SYNPO2: variants seen among roughly 807,000 people sequenced by gnomAD.
SYNPO2 encodes the protein synaptopodin 2, also known as synaptopodin-2.
SYNPO2 carries 56 observed loss-of-function variants against 85.0 expected under a neutral mutation model. That is an observed-to-expected ratio of 0.66 (90% CI 0.53 to 0.82). SYNPO2 has a LOEUF of 0.82. Among genes scored for constraint, SYNPO2 ranks in the 40% least tolerant of loss-of-function variants. SYNPO2 has a pLI of 0.00. For synonymous variants in SYNPO2, 602 were observed against 591.1 expected (o/e 1.02, Z -0.27); for missense variants, 1,575 against 1,534.2 (o/e 1.03, Z -0.44).
At chr4:119,048,734 T>C (rs1261280037) in intron 4 of SYNPO2, among the ~76,000 whole-genome samples, 1 of 152,130 alleles carries the variant, frequency 6.6e-6, no homozygotes, top group Non-Finnish European at 1.5e-5. Context: ...ACCTGGTGTG[T>C]TCAAGGTTCA....
chr4:118,922,066 A>G (rs934658614), intron 1 of SYNPO2, among the ~76,000 whole-genome samples: 2 of 152,088 alleles, frequency 1.3e-5, no homozygotes, highest in Non-Finnish European at 2.9e-5. Flanking sequence ...TCATCTTTAT[A>G]TCCTTAGTGA....
intron 1 of SYNPO2, among the ~76,000 whole-genome samples, chr4:118,974,289 G>T (rs948389280): frequency 1.1e-4 from 17 of 152,252 alleles, no homozygotes; most frequent in African/African-American, 2.9e-4. Context: ...TCCATACCTA[G>T]TTGTAGTGGT....
intron 1 of SYNPO2, among the ~76,000 whole-genome samples, chr4:118,876,881 C>A (rs1731936544): frequency 1.3e-5 from 2 of 151,610 alleles, no homozygotes; most frequent in African/African-American, 4.9e-5. Flanking sequence ...ACGTTGACCT[C>A]CCAGCCTGAA....
At position 119,027,294 on chromosome 4, in the gene SYNPO2, G is replaced by A. The variant is rs1738006265; in HGVS notation, c.925G>A (p.Asp309Asn). ...GCTTCAGGCAGGAAAGGAGTGTGTG[G>A]ATTCTCCAGTGGAAGGAGGGCAGTC... is the stretch of plus-strand genomic sequence containing the variant. ...CRLQAGKECV[D>N]SPVEGGQSEA... The change falls in exon 3 of 5, where the codon GAT becomes AAT. Residue 309 changes from aspartate (D) to asparagine (N), a missense_variant. By Grantham distance (23) the Asp-to-Asn change is conservative. Coordinates refer to ENST00000307142, the MANE Select transcript of SYNPO2 (RefSeq NM_133477.3). The A allele has an allele frequency of 1.9e-6, 3 of 1,614,136 alleles. No homozygotes were observed. The highest frequency in any genetic ancestry group is 1.7e-6 in the Non-Finnish European group (2 of 1,180,038).
chr4:118,977,386 G>T (rs946348606), intron 1 of SYNPO2, among the ~76,000 whole-genome samples: 1 of 152,222 alleles, frequency 6.6e-6, no homozygotes, highest in Non-Finnish European at 1.5e-5. Flanking sequence ...ACTCCAGCTG[G>T]CCCGCAAGCG....
intron 1 of SYNPO2, among the ~76,000 whole-genome samples, chr4:118,915,712 G>C (rs180716821): frequency 1.6e-4 from 25 of 152,142 alleles, no homozygotes; most frequent in African/African-American, 5.8e-4. Flanking sequence ...GGAATTGCTG[G>C]GTCATAGGTT....
At chr4:119,013,450 G>C (rs946004823) in intron 1 of SYNPO2, among the ~76,000 whole-genome samples, 2 of 152,146 alleles carry the variant, frequency 1.3e-5, no homozygotes, top group African/African-American at 4.8e-5. Context: ...AGCCATACTA[G>C]CCATTTTTTA....
At chr4:118,946,938 G>A (rs1260631054) in intron 1 of SYNPO2, among the ~76,000 whole-genome samples, 4 of 152,144 alleles carry the variant, frequency 2.6e-5, no homozygotes, top group African/African-American at 4.8e-5. Flanking sequence ...CCTTTGAATC[G>A]ACAAGTTGTT....
intron 1 of SYNPO2, among the ~76,000 whole-genome samples, chr4:118,904,404 T>C (rs976968681): frequency 3.3e-5 from 5 of 152,238 alleles, no homozygotes; most frequent in African/African-American, 1.2e-4. Flanking sequence ...TGGCATTTAA[T>C]AGTTTTAGAA....
chr4:118,858,402 A>G (rs1578502340), intron 1 of SYNPO2, among the ~76,000 whole-genome samples: 6 of 152,322 alleles, frequency 3.9e-5, no homozygotes, highest in South Asian at 4.1e-4. Flanking sequence ...ACAATTTCTG[A>G]TATGGCTAGC....
chr4:119,012,179 T>A (rs1210999521), intron 1 of SYNPO2, among the ~76,000 whole-genome samples: 1 of 152,002 alleles, frequency 6.6e-6, no homozygotes, highest in Non-Finnish European at 1.5e-5. Flanking sequence ...TGCCTCAGCC[T>A]CCCAAAGTTC....
intron 1 of SYNPO2, among the ~76,000 whole-genome samples, chr4:118,932,500 A>T (rs952154875): frequency 2.0e-5 from 3 of 152,192 alleles, no homozygotes; most frequent in Non-Finnish European, 4.4e-5. Flanking sequence ...AACTTAAATT[A>T]CTTAGACTGG....
chr4:119,050,569 A>T (rs888680392), intron 4 of SYNPO2, among the ~76,000 whole-genome samples: 1 of 152,188 alleles, frequency 6.6e-6, no homozygotes, highest in Admixed American at 6.5e-5. Context: ...GAAACACTCC[A>T]CATAAAGAAA....
intron 4 of SYNPO2, among the ~76,000 whole-genome samples, chr4:119,051,729 T>C (rs575550969): frequency 1.3e-5 from 2 of 152,254 alleles, no homozygotes; most frequent in Admixed American, 1.3e-4. Flanking sequence ...AGAGGGAGCT[T>C]TGTACTGTAC....
At chr4:118,864,036 G>A (rs574569140) in intron 1 of SYNPO2, among the ~76,000 whole-genome samples, 11 of 152,180 alleles carry the variant, frequency 7.2e-5, no homozygotes, top group African/African-American at 1.4e-4. Flanking sequence ...TATTTAAGAC[G>A]CATCACTAGC....
intron 1 of SYNPO2, among the ~76,000 whole-genome samples, chr4:118,930,912 T>G: frequency 1.0e-5 from 1 of 97,942 alleles, no homozygotes; most frequent in African/African-American, 3.5e-5. Flanking sequence ...AACACTACCT[T>G]GCCTCAAAAA....
chr4:119,032,019 A>T lies in SYNPO2; in HGVS notation c.3244A>T (p.Thr1082Ser). The T allele has an allele frequency of 6.2e-7, 1 of 1,614,084 alleles. No individual in the cohort carries two copies. Among genetic ancestry groups the T allele is most frequent in the Non-Finnish European group, 8.5e-7 (1 of 1,179,990 alleles). The change falls in exon 4 of 5, where the codon ACA becomes TCA. Residue 1082 changes from threonine (T) to serine (S), a missense_variant. Physicochemically the swap from Thr to Ser is moderately conservative, Grantham distance 58 (BLOSUM62 1). Coordinates refer to ENST00000307142, the MANE Select transcript of SYNPO2 (RefSeq NM_133477.3). ...GTTCTCAGCCAAGAAAAGTGGTGTC[A>T]CAATTCAGGTGTGGAAACCATCTGT... ...PKFSAKKSGV[T>S]IQESGRSLSL... is the part of the protein sequence containing the mutation.
chr4:118,873,477 C>T (rs944014050), intron 1 of SYNPO2, among the ~76,000 whole-genome samples: 1 of 151,890 alleles, frequency 6.6e-6, no homozygotes, highest in Non-Finnish European at 1.5e-5. Context: ...TTTCATATGC[C>T]TAGTGGCTAT....
Position 118,984,475 on chromosome 4 carries a change from C to T in SYNPO2, c.106-38955C>T, listed in dbSNP as rs552954927. On this transcript the variant is annotated intron_variant, in intron 1 of 4. Coordinates refer to ENST00000307142, the MANE Select transcript of SYNPO2 (RefSeq NM_133477.3). Reference sequence around the variant, plus strand: ...TATCGTTCAAAGCCCCTAAAATGACCCTTCTACTTTTCCCTTTACTCTGCT... The same window carrying T: ...TATCGTTCAAAGCCCCTAAAATGACTCTTCTACTTTTCCCTTTACTCTGCT... 3.7e-4 allele frequency among the ~76,000 whole-genome samples: 56 copies of T among 152,208 alleles called. No homozygotes were observed. The Middle Eastern group carries it at 0.017, about 47-fold the overall frequency.
Sources: gnomAD v4.1 joint callset for allele counts (sites outside exome capture counted in the v4.1 genomes callset) on GRCh38, gnomAD v4.1.1 for gene constraint, MANE v1.5 for transcripts, NCBI Gene and HGNC (gene_info 2026-07-23, HGNC 2026-07-21) for gene names.